Variants in SNTB1 observed in about 807,000 individuals in gnomAD.
The protein encoded by SNTB1 is syntrophin beta 1.
In SNTB1, 36 loss-of-function variants were observed where a neutral mutation model predicts 48.9. The ratio of observed to expected loss-of-function variants is 0.74; its 90% CI spans 0.56 to 0.97. SNTB1 has a LOEUF of 0.97. Ranked by LOEUF, SNTB1 falls within the 50% of genes least tolerant of loss-of-function variation. The pLI is 0.00. For missense variants in SNTB1, 786 were observed against 703.4 expected (o/e 1.12, Z -1.33); for synonymous variants, 299 against 294.6 (o/e 1.01, Z -0.15).
chr8:120,601,692 G>A (rs1228417789), intron 3 of SNTB1, among the ~76,000 whole-genome samples: 1 of 152,134 alleles, frequency 6.6e-6, no homozygotes, highest in Non-Finnish European at 1.5e-5. Context: ...GTTAAGAAAT[G>A]GCAATATTTT....
At chr8:120,727,195 AT>A (rs1003816524) in intron 1 of SNTB1, among the ~76,000 whole-genome samples, 1 of 152,174 alleles carries the variant, frequency 6.6e-6, no homozygotes, top group Non-Finnish European at 1.5e-5. Context: ...TTGTCCTGTT[AT>A]TTGTAGTTGT....
chr8:120,573,610 C>A lies in SNTB1; in HGVS notation c.1136+1476G>T, dbSNP rs1815893719. Among the ~76,000 whole-genome samples, 3 of 152,056 alleles carry A rather than the reference C, an allele frequency of 2.0e-5. No homozygotes were observed. In the South Asian group the frequency reaches 6.2e-4, roughly 31 times the overall value. ...GGTGTCATATACAATAAATCATTGC[C>A]AAGGCCAATGTCAAGAATATTTTTC... is the stretch of plus-strand genomic sequence containing the variant. On this transcript the variant is annotated intron_variant, in intron 4 of 6. Coordinates refer to ENST00000517992, the MANE Select transcript of SNTB1 (RefSeq NM_021021.4).
At chr8:120,809,599 C>T (rs529159797) in intron 1 of SNTB1, among the ~76,000 whole-genome samples, 7 of 152,142 alleles carry the variant, frequency 4.6e-5, no homozygotes, top group South Asian at 2.1e-4. Context: ...TAAAATGACC[C>T]GCCTTCCGCC....
chr8:120,730,002 A>G (rs1403444599), intron 1 of SNTB1, among the ~76,000 whole-genome samples: 1 of 152,224 alleles, frequency 6.6e-6, no homozygotes, highest in African/African-American at 2.4e-5. Context: ...CACTCAACAT[A>G]CAACAGGTGC....
intron 2 of SNTB1, among the ~76,000 whole-genome samples, chr8:120,672,397 A>G (rs1817774067): frequency 6.6e-6 from 1 of 152,246 alleles, no homozygotes; most frequent in Non-Finnish European, 1.5e-5. Flanking sequence ...GCACTCCACC[A>G]AAGAAATAAA....
At chr8:120,790,674 A>C (rs1820013849) in intron 1 of SNTB1, among the ~76,000 whole-genome samples, 1 of 152,016 alleles carries the variant, frequency 6.6e-6, no homozygotes, top group Non-Finnish European at 1.5e-5. Context: ...TTAGGAATTT[A>C]CTTAACCAAG....
At chr8:120,627,840 T>G (rs1816909327) in intron 3 of SNTB1, among the ~76,000 whole-genome samples, 1 of 152,198 alleles carries the variant, frequency 6.6e-6, no homozygotes, top group Non-Finnish European at 1.5e-5. Context: ...TAGTGGAAAG[T>G]GCTGGACTTT....
intron 4 of SNTB1, among the ~76,000 whole-genome samples, chr8:120,561,890 A>G (rs1367623247): frequency 6.6e-6 from 1 of 152,102 alleles, no homozygotes; most frequent in Non-Finnish European, 1.5e-5. Flanking sequence ...GAACATTCCT[A>G]CCCCAAAGAG....
intron 1 of SNTB1, among the ~76,000 whole-genome samples, chr8:120,699,390 T>G (rs1258694031): frequency 6.6e-6 from 1 of 152,204 alleles, no homozygotes; most frequent in Non-Finnish European, 1.5e-5. Flanking sequence ...CGCCATCCCC[T>G]TGGTAATGAG....
At chr8:120,720,205 A>T (rs1818635692) in intron 1 of SNTB1, among the ~76,000 whole-genome samples, 1 of 152,212 alleles carries the variant, frequency 6.6e-6, no homozygotes, top group Non-Finnish European at 1.5e-5. Flanking sequence ...TCCTGAGCAT[A>T]TTAGACCTTC....
chr8:120,693,946 A>G (rs763914760), intron 1 of SNTB1, 38 bp from the exon 2 acceptor site: 15 of 1,499,824 alleles, frequency 1.0e-5, no homozygotes, highest in Non-Finnish European at 1.4e-5. Context: ...TTAATACATC[A>G]CGGCTGAATT....
At chr8:120,645,439 G>A (rs2129688621) in intron 2 of SNTB1, among the ~76,000 whole-genome samples, 1 of 151,050 alleles carries the variant, frequency 6.6e-6, no homozygotes, top group East Asian at 2.0e-4. Flanking sequence ...CCCATTGCTT[G>A]TTTTTCTCAG....
chr8:120,669,855 C>G (rs188136944), intron 2 of SNTB1, among the ~76,000 whole-genome samples: 3 of 152,272 alleles, frequency 2.0e-5, no homozygotes, highest in African/African-American at 7.2e-5. Flanking sequence ...TTACAAATCC[C>G]CAGGTGATGT....
At chr8:120,631,199 A>T (rs1816973303) in intron 3 of SNTB1, among the ~76,000 whole-genome samples, 1 of 152,208 alleles carries the variant, frequency 6.6e-6, no homozygotes, top group African/African-American at 2.4e-5. Flanking sequence ...CGTGACTTTC[A>T]AAATTATATC....
At chr8:120,752,464 T>G (rs1022187804) in intron 1 of SNTB1, among the ~76,000 whole-genome samples, 3 of 152,050 alleles carry the variant, frequency 2.0e-5, no homozygotes, top group African/African-American at 7.2e-5. Flanking sequence ...GGAAAATCAA[T>G]CATTCTAGGA....
At chr8:120,674,143 T>A (rs1260569003) in intron 2 of SNTB1, among the ~76,000 whole-genome samples, 1 of 152,152 alleles carries the variant, frequency 6.6e-6, no homozygotes, top group Non-Finnish European at 1.5e-5. Flanking sequence ...CATTAAAAAA[T>A]CATTGCTGAA....
At chr8:120,791,587 AATC>A (rs1820037102) in intron 1 of SNTB1, among the ~76,000 whole-genome samples, 1 of 152,018 alleles carries the variant, frequency 6.6e-6, no homozygotes, top group Non-Finnish European at 1.5e-5. Context: ...AACTCAAACA[AATC>A]ATCAAGAAAA....
intron 2 of SNTB1, among the ~76,000 whole-genome samples, chr8:120,642,968 G>C (rs1258586206): frequency 6.6e-6 from 1 of 152,206 alleles, no homozygotes; most frequent in Admixed American, 6.5e-5. Context: ...CACAGTATCT[G>C]TAGGTCATGA....
chr8:120,690,291 G>A (rs908578526), intron 2 of SNTB1, among the ~76,000 whole-genome samples: 1 of 152,194 alleles, frequency 6.6e-6, no homozygotes, highest in African/African-American at 2.4e-5. Flanking sequence ...TCTATTGGGG[G>A]TCCTGTTACA....
Sources: gnomAD v4.1 joint callset for allele counts (sites outside exome capture counted in the v4.1 genomes callset) on GRCh38, gnomAD v4.1.1 for gene constraint, MANE v1.5 for transcripts, NCBI Gene and HGNC (gene_info 2026-07-23, HGNC 2026-07-21) for gene names.